ROBO2: variants seen among roughly 807,000 people sequenced by gnomAD.
ROBO2 encodes roundabout homolog 2.
ROBO2 carries 53 observed loss-of-function variants against 160.8 expected under a neutral mutation model. The ratio of observed to expected loss-of-function variants is 0.33; its 90% confidence interval spans 0.26 to 0.41. The LOEUF is 0.41. Among genes scored for constraint, ROBO2 ranks in the 10% least tolerant of loss-of-function variants. ROBO2 has a pLI of 1.00. For synonymous variants in ROBO2, 664 were observed against 611.7 expected, an observed-to-expected ratio of 1.09 and a Z score of -1.26; for missense variants, 1,577 against 1,722.4, an observed-to-expected ratio of 0.92 and a Z score of 1.49.
At chr3:76,393,053 T>G (rs2077234232) in intron 2 of ROBO2, among the ~76,000 whole-genome samples, 1 of 152,196 alleles carries the variant, frequency 6.6e-6, no homozygotes, top group Non-Finnish European at 1.5e-5. Flanking sequence ...AATAAGGACC[T>G]GTCAAGTATC....
At chr3:77,399,952 G>A (rs890258536) in intron 2 of ROBO2, among the ~76,000 whole-genome samples, 16 of 152,138 alleles carry the variant, frequency 1.1e-4, no homozygotes, top group South Asian at 4.1e-4. Context: ...TCTGCAGTGC[G>A]TTGCCTTGGG....
intron 2 of ROBO2, among the ~76,000 whole-genome samples, chr3:76,706,743 G>A (rs572102223): frequency 6.6e-6 from 1 of 152,084 alleles, no homozygotes; most frequent in African/African-American, 2.4e-5. Flanking sequence ...TTTGTTCTTT[G>A]TGTCCTTTTA....
chr3:76,778,480 G>A (rs2062421462), intron 2 of ROBO2, among the ~76,000 whole-genome samples: 1 of 151,060 alleles, frequency 6.6e-6, no homozygotes, highest in African/African-American at 2.4e-5. Flanking sequence ...AATTTGAAGA[G>A]CAGACCATGA....
chr3:77,007,969 T>C (rs1468075492), intron 2 of ROBO2, among the ~76,000 whole-genome samples: 1 of 152,090 alleles, frequency 6.6e-6, no homozygotes, highest in Non-Finnish European at 1.5e-5. Flanking sequence ...TCCAATTTGA[T>C]ATATACTATT....
intron 7 of ROBO2, 140 bp from the exon 9 acceptor site, chr3:77,550,678 T>C (rs1355361967): frequency 1.1e-6 from 1 of 884,528 alleles, no homozygotes; most frequent in Non-Finnish European, 1.8e-6. Context: ...CTGTGTGGCA[T>C]TTAAACATTT....
chr3:76,956,030 A>G (rs555404060), intron 2 of ROBO2, among the ~76,000 whole-genome samples: 1 of 152,270 alleles, frequency 6.6e-6, no homozygotes, highest in African/African-American at 2.4e-5. Flanking sequence ...TCCTTGAACA[A>G]CAACAATAAA....
chr3:77,136,909 A>G (rs1432090172), intron 2 of ROBO2, among the ~76,000 whole-genome samples: 1 of 152,132 alleles, frequency 6.6e-6, no homozygotes, highest in East Asian at 1.9e-4. Context: ...TGCTGGGATT[A>G]CAGGCCTGAG....
intron 2 of ROBO2, among the ~76,000 whole-genome samples, chr3:76,619,144 T>C (rs1254973569): frequency 6.6e-6 from 1 of 151,270 alleles, no homozygotes; most frequent in African/African-American, 2.4e-5. Flanking sequence ...ATCGAGACCA[T>C]CCTGGCTAAC....
At chr3:77,488,278 TA>T (rs138307037) in intron 4 of ROBO2, among the ~76,000 whole-genome samples, 12 of 152,202 alleles carry the variant, frequency 7.9e-5, no homozygotes, top group East Asian at 3.9e-4. Flanking sequence ...TAATCTCACA[TA>T]AAAAAATGTT....
At chr3:77,516,732 A>G (rs2090060368) in intron 5 of ROBO2, among the ~76,000 whole-genome samples, 1 of 151,630 alleles carries the variant, frequency 6.6e-6, no homozygotes, top group Admixed American at 6.6e-5. Context: ...TCAGTATCAT[A>G]TCAATATGAA....
chr3:77,217,323 A>G lies in ROBO2; in HGVS notation c.388+118983A>G, dbSNP rs575668425. ...ACGCCTGGCTACTTTTTGTATTTTTAGTAGAGATGGGGTTTCACCATGTTG... is the reference window on the plus strand; with the variant it reads ...ACGCCTGGCTACTTTTTGTATTTTTGGTAGAGATGGGGTTTCACCATGTTG... On this transcript the variant is annotated intron_variant, in intron 2 of 25. Coordinates refer to ENST00000461745, the Ensembl canonical transcript of ROBO2. Among the ~76,000 whole-genome samples, 3 of 152,136 alleles carry G rather than the reference A, an allele frequency of 2.0e-5. No individual in the cohort carries two copies. The East Asian group carries it at 5.8e-4, about 29-fold the overall frequency.
intron 2 of ROBO2, among the ~76,000 whole-genome samples, chr3:76,427,236 G>A (rs557323011): frequency 6.6e-6 from 1 of 151,942 alleles, no homozygotes; most frequent in Admixed American, 6.6e-5. Context: ...TATGCATTCT[G>A]GTGAACAGTT....
At chr3:77,219,829 G>C (rs189054844) in intron 2 of ROBO2, among the ~76,000 whole-genome samples, 1 of 151,466 alleles carries the variant, frequency 6.6e-6, no homozygotes, top group African/African-American at 2.4e-5. Flanking sequence ...AAAATTTGTA[G>C]ATCTTTGAAA....
rs138630845 is a variant in ROBO2 at position 76,264,531 on chromosome 3, A to C, written c.109+326929A>C. 9.9e-5 allele frequency among the ~76,000 whole-genome samples: 15 copies of C among 152,234 alleles called. No homozygotes were observed. The Middle Eastern group carries it at 0.01, about 104-fold the overall frequency. On this transcript the variant is annotated intron_variant, in intron 2 of 26. Transcript: ENST00000487694. ...TTATGATATATAAGGTTCCTTTCCGATGAAATGGATGCAGTTAGACTTTTT... is the reference window on the plus strand; with the variant it reads ...TTATGATATATAAGGTTCCTTTCCGCTGAAATGGATGCAGTTAGACTTTTT...
intron 2 of ROBO2, among the ~76,000 whole-genome samples, chr3:76,361,287 T>C (rs1220507850): frequency 1.3e-5 from 2 of 152,074 alleles, no homozygotes; most frequent in Non-Finnish European, 2.9e-5. Context: ...GGAGGACTCT[T>C]AGATGCCATG....
intron 2 of ROBO2, among the ~76,000 whole-genome samples, chr3:76,522,217 T>C (rs181929209): frequency 6.6e-6 from 1 of 152,314 alleles, no homozygotes; most frequent in East Asian, 1.9e-4. Flanking sequence ...CATTTCAGCA[T>C]TGGCCCAAGT....
At chr3:77,201,381 T>C (rs1020862026) in intron 2 of ROBO2, among the ~76,000 whole-genome samples, 2 of 152,174 alleles carry the variant, frequency 1.3e-5, no homozygotes, top group Admixed American at 6.6e-5. Flanking sequence ...GCAAACTCCA[T>C]TGCAGCGATT....
In ROBO2 at chr3:76,554,011, C is replaced by T. The variant is rs373895395; in HGVS notation, c.110-544003C>T. Among the ~76,000 whole-genome samples the T allele has an allele frequency of 4.2e-4, 64 of 152,078 alleles. 1 individual carries two copies. In the South Asian group the frequency reaches 6.6e-3, roughly 16 times the overall value. On this transcript the variant is annotated intron_variant, in intron 2 of 26. Coordinates refer to the ROBO2 transcript ENST00000487694. The stretch of plus-strand genomic sequence containing the variant: ...CATACCAGGAGACCCAGAAAATTTA[C>T]GTAAAGAATTAGAAAAACGTGAACA...
intron 17 of ROBO2, among the ~76,000 whole-genome samples, chr3:77,594,761 T>C (rs1187710572): frequency 2.0e-5 from 3 of 152,180 alleles, no homozygotes; most frequent in South Asian, 4.1e-4. Flanking sequence ...TTTTGTCTTA[T>C]GCCTTCTAAT....
Sources: gnomAD v4.1 joint callset for allele counts (sites outside exome capture counted in the v4.1 genomes callset) on GRCh38, gnomAD v4.1.1 for gene constraint, MANE v1.5 for transcripts, NCBI Gene and HGNC (gene_info 2026-07-23, HGNC 2026-07-21) for gene names.